MACROH2A2: variants seen among roughly 807,000 people sequenced by gnomAD.
MACROH2A2 encodes core histone macro-H2A.2.
In MACROH2A2, 6 loss-of-function variants were observed where a neutral mutation model predicts 37.6. The observed-to-expected ratio is 0.16, with a 90% confidence interval of 0.09 to 0.32. The LOEUF (loss-of-function observed/expected upper bound fraction) is 0.32. MACROH2A2 is among the 10% of genes least tolerant of loss of function. The probability of loss-of-function intolerance (pLI) is 1.00; values close to 1 mark genes in which losing one functional copy is unlikely to be tolerated. For missense variants in MACROH2A2, 290 were observed against 485.9 expected (o/e 0.60, Z 3.79); for synonymous variants, 192 against 202.7 (o/e 0.95, Z 0.45).
intron 6 of MACROH2A2, among the ~76,000 whole-genome samples, chr10:70,097,956 G>T (rs1334125554): frequency 1.3e-5 from 2 of 151,974 alleles, no homozygotes; most frequent in Non-Finnish European, 2.9e-5. Context: ...TATAAAAAAG[G>T]GGGGCCCGAG....
intron 1 of MACROH2A2, among the ~76,000 whole-genome samples, chr10:70,060,872 A>G (rs1038610890): frequency 1.3e-5 from 2 of 151,954 alleles, no homozygotes; most frequent in Non-Finnish European, 2.9e-5. Flanking sequence ...TAATCTCAGC[A>G]CTTTGGGAGG....
intron 3 of MACROH2A2, among the ~76,000 whole-genome samples, chr10:70,090,923 G>A (rs866758052): frequency 1.8e-4 from 27 of 152,332 alleles, no homozygotes; most frequent in African/African-American, 6.3e-4. Flanking sequence ...ACCATGCTTG[G>A]GGTAGTGTTG....
At chr10:70,056,543 A>G (rs2072018536) in intron 1 of MACROH2A2, among the ~76,000 whole-genome samples, 1 of 152,256 alleles carries the variant, frequency 6.6e-6, no homozygotes, top group Non-Finnish European at 1.5e-5. Context: ...TACATAATTA[A>G]TACATAACGA....
intron 1 of MACROH2A2, among the ~76,000 whole-genome samples, chr10:70,060,232 C>G (rs1227697415): frequency 2.0e-5 from 3 of 151,782 alleles, no homozygotes; most frequent in Non-Finnish European, 2.9e-5. Flanking sequence ...TAGGGGGGCA[C>G]AGTGGTGGGC....
intron 4 of MACROH2A2, 24 bp downstream of exon 4, chr10:70,091,978 G>A (rs56097817): frequency 0.11 from 172,508 of 1,590,800 alleles, 10,514 homozygotes; most frequent in East Asian, 0.23. Context: ...GCGTGTCCTG[G>A]GCCAGGCACT....
At chr10:70,070,665 G>A (rs920215351) in intron 1 of MACROH2A2, among the ~76,000 whole-genome samples, 1 of 152,044 alleles carries the variant, frequency 6.6e-6, no homozygotes, top group African/African-American at 2.4e-5. Context: ...CTAATATTCT[G>A]TATTTTTAGT....
At chr10:70,078,260 T>G (rs962553822) in intron 2 of MACROH2A2, among the ~76,000 whole-genome samples, 13 of 152,176 alleles carry the variant, frequency 8.5e-5, no homozygotes, top group African/African-American at 2.9e-4. Context: ...GTTCCCGCAA[T>G]AGAATTGGGC....
chr10:70,054,787 C>T (rs2072004250), intron 1 of MACROH2A2, among the ~76,000 whole-genome samples: 1 of 152,158 alleles, frequency 6.6e-6, no homozygotes, highest in African/African-American at 2.4e-5. Context: ...CACTGCCCGG[C>T]GGAAAAGTTT....
intron 2 of MACROH2A2, among the ~76,000 whole-genome samples, chr10:70,079,563 G>GCGCGCA (rs1554822094): frequency 7.9e-5 from 5 of 63,176 alleles, no homozygotes; most frequent in Non-Finnish European, 1.7e-4. Flanking sequence ...GCGCGCGCGC[G>GCGCGCA]CGCACACACA....
intron 5 of MACROH2A2, among the ~76,000 whole-genome samples, chr10:70,095,334 CT>C (rs1444218048): frequency 6.6e-6 from 1 of 150,534 alleles, no homozygotes; most frequent in Non-Finnish European, 1.5e-5. Flanking sequence ...CGCCACTGCA[CT>C]CCAGCCTGGG....
At chr10:70,061,147 G>A (rs998552064) in intron 1 of MACROH2A2, among the ~76,000 whole-genome samples, 2 of 152,058 alleles carry the variant, frequency 1.3e-5, no homozygotes, top group African/African-American at 4.8e-5. Context: ...CCTCCCTTCT[G>A]AGATCCCAGT....
At chr10:70,079,551 T>TCC (rs1554822084) in intron 2 of MACROH2A2, among the ~76,000 whole-genome samples, 3 of 114,172 alleles carry the variant, frequency 2.6e-5, no homozygotes, top group East Asian at 2.6e-4. Flanking sequence ...CGTTGAGGGT[T>TCC]CGCGCGCGCG....
intron 1 of MACROH2A2, among the ~76,000 whole-genome samples, chr10:70,068,615 G>C (rs1366998746): frequency 6.6e-6 from 1 of 152,064 alleles, no homozygotes; most frequent in Non-Finnish European, 1.5e-5. Context: ...CACAGCAACA[G>C]CCAAAAACCC....
rs148213975 is a variant in MACROH2A2 at position 70,103,123 on chromosome 10, C to G, written c.778+2826C>G. Among the ~76,000 whole-genome samples the G allele has an allele frequency of 4.7e-3, 710 of 152,270 alleles. 7 individuals are homozygous for G. Among genetic ancestry groups the G allele is most frequent in the African/African-American group, 0.016 (678 of 41,552 alleles). ...ACAACTTCTATAAAAATCTGTCTTT[C>G]TAGGGTAGCAGAAGGGAGAAGAGAG... On this transcript the variant is annotated intron_variant, in intron 7 of 8. Coordinates refer to ENST00000373255, the MANE Select transcript of MACROH2A2 (RefSeq NM_018649.3).
intron 2 of MACROH2A2, among the ~76,000 whole-genome samples, chr10:70,085,249 G>A (rs2072204254): frequency 6.6e-6 from 1 of 152,188 alleles, no homozygotes; most frequent in Admixed American, 6.5e-5. Context: ...TTGATTTGGG[G>A]ACTGATTTTG....
chr10:70,073,988 T>A (rs1379853843), intron 1 of MACROH2A2, among the ~76,000 whole-genome samples: 1 of 152,214 alleles, frequency 6.6e-6, no homozygotes, highest in East Asian at 1.9e-4. Flanking sequence ...CCATTGACCT[T>A]GGGGAAGAGA....
chr10:70,091,688 A>G (rs758523525), intron 3 of MACROH2A2, 69 bp from the exon 4 acceptor site: 1 of 1,128,624 alleles, frequency 8.9e-7, no homozygotes, highest in Non-Finnish European at 1.3e-6. Flanking sequence ...AAAAAAAAAA[A>G]AAAGAACTGT....
chr10:70,064,462 G>A lies in MACROH2A2; in HGVS notation c.-59-11138G>A, dbSNP rs1226587183. ...CCTCCCTGCTCATTCTGGCATTTGG[G>A]GGTTCTCAGTTCCTAACTGGACACC... On this transcript the variant is annotated intron_variant, in intron 1 of 8. Transcript: ENST00000373255. Among the ~76,000 whole-genome samples, 5 of 152,180 alleles carry A rather than the reference G, an allele frequency of 3.3e-5. No individual in the cohort carries two copies. In the South Asian group the frequency reaches 1.0e-3, roughly 32 times the overall value.
intron 1 of MACROH2A2, among the ~76,000 whole-genome samples, chr10:70,060,803 A>G (rs2072046024): frequency 6.6e-6 from 1 of 152,192 alleles, no homozygotes; most frequent in Non-Finnish European, 1.5e-5. Flanking sequence ...TACTTGATAA[A>G]GAACTTATTT....
Sources: allele counts gnomAD v4.1 joint callset (sites outside exome capture counted in the v4.1 genomes callset), GRCh38; gene constraint gnomAD v4.1.1; transcripts MANE v1.5; gene names NCBI Gene and HGNC (gene_info 2026-07-23, HGNC 2026-07-21).